RALYL: variants seen among roughly 807,000 people sequenced by gnomAD.
RALYL encodes the protein RALY RNA binding protein like.
A neutral mutation model predicts 35.1 loss-of-function variants in RALYL; 29 were observed. That is an observed-to-expected ratio of 0.83 (90% CI 0.61 to 1.13). The LOEUF is 1.13. Ranked by LOEUF, RALYL falls within the 50% of genes most tolerant of loss-of-function variation. The pLI, the probability that RALYL is intolerant of heterozygous loss-of-function variation, is 0.00. For missense variants in RALYL, 359 were observed against 360.4 expected (o/e 1.00, Z 0.03); for synonymous variants, 120 against 127.6 (o/e 0.94, Z 0.40).
intron 6 of RALYL, among the ~76,000 whole-genome samples, chr8:84,871,128 A>T (rs1270156202): frequency 1.3e-5 from 2 of 152,160 alleles, no homozygotes; most frequent in Non-Finnish European, 2.9e-5. Flanking sequence ...CTTGAGTAAC[A>T]TTAACTTATT....
chr8:84,664,828 G>A (rs766238852), intron 2 of RALYL, among the ~76,000 whole-genome samples: 8 of 151,872 alleles, frequency 5.3e-5, no homozygotes, highest in Admixed American at 1.3e-4. Context: ...TCTTTCTCTC[G>A]CCTGATTCCC....
intron 1 of RALYL, among the ~76,000 whole-genome samples, chr8:84,397,802 G>A (rs1228167275): frequency 6.6e-6 from 1 of 152,170 alleles, no homozygotes; most frequent in East Asian, 1.9e-4. Context: ...GCTGAACTCA[G>A]TACTGCACCT....
intron 2 of RALYL, among the ~76,000 whole-genome samples, chr8:84,642,316 C>T (rs1826534580): frequency 6.6e-6 from 1 of 151,874 alleles, no homozygotes; most frequent in African/African-American, 2.4e-5. Context: ...AAGTTTTGAA[C>T]CAAAATTTTA....
chr8:84,537,450 C>T (rs754944123), intron 2 of RALYL, among the ~76,000 whole-genome samples: 1 of 149,374 alleles, frequency 6.7e-6, no homozygotes, highest in Non-Finnish European at 1.5e-5. Flanking sequence ...GCACTCCAGC[C>T]TCAGTGAAAG....
chr8:84,201,253 T>G (rs923670531), intron 1 of RALYL, among the ~76,000 whole-genome samples: 1 of 152,072 alleles, frequency 6.6e-6, no homozygotes, highest in Non-Finnish European at 1.5e-5. Context: ...ATCTGTATAG[T>G]CTTTGAGGTT....
At chr8:84,390,159 TA>T (rs1200291380) in intron 1 of RALYL, among the ~76,000 whole-genome samples, 1 of 152,202 alleles carries the variant, frequency 6.6e-6, no homozygotes, top group East Asian at 1.9e-4. Flanking sequence ...GATTTGCATA[TA>T]TTGAACCAGC....
At chr8:84,846,011 C>A (rs993258660) in intron 4 of RALYL, among the ~76,000 whole-genome samples, 3 of 152,042 alleles carry the variant, frequency 2.0e-5, no homozygotes, top group Admixed American at 2.0e-4. Context: ...TATTTTTGTA[C>A]CAGGACCATG....
chr8:84,736,998 C>A (rs370350062), intron 2 of RALYL, among the ~76,000 whole-genome samples: 1 of 151,944 alleles, frequency 6.6e-6, no homozygotes, highest in African/African-American at 2.4e-5. Flanking sequence ...TTCAAAGATG[C>A]CTGAATTCCA....
At chr8:84,805,947 T>C (rs2134026284) in intron 4 of RALYL, among the ~76,000 whole-genome samples, 1 of 152,324 alleles carries the variant, frequency 6.6e-6, no homozygotes, top group South Asian at 2.1e-4. Context: ...GAAAAAAAGC[T>C]GTCATATATA....
In RALYL at chr8:84,850,019, C is replaced by A; in HGVS notation, c.405C>A (p.Phe135Leu). ...ACTATGATTACTACAGAGATGATTTCTACAATCGGTATGTGAATTTTTCAT... is the reference window on the plus strand; with the variant it reads ...ACTATGATTACTACAGAGATGATTTATACAATCGGTATGTGAATTTTTCAT... ...VFDYDYYRDD[F>L]YNRLFDYHGR... The change falls in exon 5 of 9, where the codon TTC (phenylalanine) becomes TTA (leucine). Residue 135 changes from phenylalanine to leucine, a missense_variant. Phe to Leu is a conservative substitution (Grantham distance 22). Transcript: ENST00000521268. The A allele has an allele frequency of 6.8e-7, 1 of 1,476,720 alleles. No individual in the cohort carries two copies. Among genetic ancestry groups the A allele is most frequent in the Non-Finnish European group, 9.0e-7 (1 of 1,107,394 alleles). The allele number at this position is 1,476,720 out of a possible 1,614,324, so 91.5% of individuals were successfully genotyped here.
At chr8:84,402,241 C>T (rs909517616) in intron 1 of RALYL, among the ~76,000 whole-genome samples, 6 of 152,126 alleles carry the variant, frequency 3.9e-5, no homozygotes, top group Non-Finnish European at 5.9e-5. Context: ...ACAAAAACAT[C>T]ACCATAGCAA....
At chr8:84,720,962 G>T (rs1319473428) in intron 2 of RALYL, among the ~76,000 whole-genome samples, 5 of 152,014 alleles carry the variant, frequency 3.3e-5, no homozygotes, top group Admixed American at 6.6e-5. Context: ...GTTAAAATGG[G>T]TATTATTAAA....
At chr8:84,335,037 C>T (rs1258747107) in intron 1 of RALYL, among the ~76,000 whole-genome samples, 1 of 152,108 alleles carries the variant, frequency 6.6e-6, no homozygotes, top group Non-Finnish European at 1.5e-5. Flanking sequence ...TGTCGACTAA[C>T]TCTTGTTTCT....
intron 2 of RALYL, among the ~76,000 whole-genome samples, chr8:84,562,367 C>T (rs1036243290): frequency 5.9e-5 from 9 of 151,894 alleles, no homozygotes; most frequent in African/African-American, 2.2e-4. Flanking sequence ...ATGTCCTCTA[C>T]GTTTAATGGT....
intron 1 of RALYL, among the ~76,000 whole-genome samples, chr8:84,355,897 C>T (rs1231467746): frequency 4.0e-5 from 6 of 150,048 alleles, no homozygotes; most frequent in Admixed American, 2.0e-4. Context: ...GGATTTGTGT[C>T]CCTGCCCAAA....
intron 4 of RALYL, among the ~76,000 whole-genome samples, chr8:84,845,694 T>C (rs1388271223): frequency 6.6e-6 from 1 of 152,186 alleles, no homozygotes; most frequent in Non-Finnish European, 1.5e-5. Context: ...CAATTTTTGA[T>C]TTTGTTGCAA....
At chr8:84,574,518 C>T (rs891579049) in intron 2 of RALYL, among the ~76,000 whole-genome samples, 1 of 152,070 alleles carries the variant, frequency 6.6e-6, no homozygotes, top group African/African-American at 2.4e-5. Flanking sequence ...TCTGTCTCCT[C>T]GACCCAGAAA....
At chr8:84,502,965 AAAG>A (rs1318476283) in intron 1 of RALYL, among the ~76,000 whole-genome samples, 1 of 151,992 alleles carries the variant, frequency 6.6e-6, no homozygotes, top group Admixed American at 6.6e-5. Flanking sequence ...AATAAACCCG[AAAG>A]AAGGTTTTGA....
chr8:84,361,054 T>C (rs1852908664), intron 1 of RALYL, among the ~76,000 whole-genome samples: 1 of 152,092 alleles, frequency 6.6e-6, no homozygotes, highest in Admixed American at 6.6e-5. Flanking sequence ...TCCTCTTCTT[T>C]AGTAAGAATG....
Sources: allele counts gnomAD v4.1 joint callset (sites outside exome capture counted in the v4.1 genomes callset), GRCh38; gene constraint gnomAD v4.1.1; transcripts MANE v1.5; gene names NCBI Gene and HGNC (gene_info 2026-07-23, HGNC 2026-07-21).